FIS1: variants seen among roughly 807,000 people sequenced by gnomAD.
FIS1 encodes the protein fission, mitochondrial 1.
In FIS1, 16 loss-of-function variants were observed where a neutral mutation model predicts 21.6. The observed-to-expected ratio is 0.74, with a 90% CI of 0.50 to 1.12. FIS1 has a LOEUF of 1.12. FIS1 is among the 50% of genes most tolerant of loss of function. The pLI, the probability that FIS1 is intolerant of heterozygous loss-of-function variation, is 0.00. For missense variants in FIS1, 198 were observed against 190.9 expected (o/e 1.04, Z -0.22); for synonymous variants, 92 against 82.2 (o/e 1.12, Z -0.65).
At position 101,240,127 on chromosome 7, in the gene FIS1, G is replaced by A. The variant is rs1798720888; in HGVS notation, c.361+15C>T. 1 of 1,612,660 alleles carries A rather than the reference G, an allele frequency of 6.2e-7. No homozygotes were observed. The highest frequency in any genetic ancestry group is 2.2e-5 in the East Asian group (1 of 44,852). On this transcript the variant is annotated intron_variant, in intron 4 of 4. Transcript: ENST00000223136. The stretch of plus-strand genomic sequence containing the variant: ...GGGGAAGAGCGGGGCTGAACAAAGG[G>A]GCCGAGGCTGTCACCTTTCTTCATG...
rs1319107491 is a variant in FIS1, at chr7:101,240,857, G to T, written c.228C>A (p.Tyr76Ter). The T allele has an allele frequency of 6.2e-7, 1 of 1,614,106 alleles. No individual in the cohort carries two copies. Among genetic ancestry groups the T allele is most frequent in the Non-Finnish European group, 8.5e-7 (1 of 1,180,030 alleles). Residue 76 changes from tyrosine to a stop codon, truncating the protein, a stop_gained, in exon 3 of 5, where the codon TAC becomes TAA. Transcript: ENST00000223136. LOFTEE classifies it high-confidence loss of function. ...TGAGCCGGTAGTTCCCCACGGCCAG[G>T]TAGAAGACGTAATCCCGCTGTTCCT... is the stretch of plus-strand genomic sequence containing the variant. ...SKEEQRDYVF[Y>*]LAVGNYRLKE...
chr7:101,239,896 G>A lies in FIS1; in HGVS notation c.369C>T (p.Leu123=), dbSNP rs772169788. The A allele has an allele frequency of 6.2e-6, 10 of 1,604,094 alleles. No homozygotes were observed. Among genetic ancestry groups the A allele is most frequent in the African/African-American group, 4.0e-5 (3 of 74,734 alleles). Residue 123 remains leucine (L), a synonymous_variant, in exon 5 of 5, where the codon CTC becomes CTT. Coordinates refer to ENST00000223136, the MANE Select transcript of FIS1 (RefSeq NM_016068.3). Reference sequence around the variant, plus strand: ...TGCCTCCCACGATGGCCATGCCCACGAGTCCATCTGGGGAAGGAAAGGGAC... The same window carrying A: ...TGCCTCCCACGATGGCCATGCCCACAAGTCCATCTGGGGAAGGAAAGGGAC... ...LIDKAMKKDG[L]VGMAIVGGMA...
intron 2 of FIS1, chr7:101,241,281 C>T (rs28372079): frequency 4.0e-5 from 8 of 201,834 alleles, no homozygotes; most frequent in South Asian, 2.3e-4. Context: ...GGTGCAATGG[C>T]GTGATCTCGG....
chr7:101,243,507 G>A (rs1321952595), intron 2 of FIS1, among the ~76,000 whole-genome samples: 2 of 152,184 alleles, frequency 1.3e-5, no homozygotes, highest in African/African-American at 4.8e-5. Flanking sequence ...ACCGGGAGGT[G>A]GTGGTTGCAG....
chr7:101,244,003 T>A lies in FIS1; in HGVS notation c.178+4A>T, dbSNP rs761881911. The A allele has an allele frequency of 3.7e-6, 6 of 1,611,914 alleles. No individual in the cohort carries two copies. Among genetic ancestry groups the A allele is most frequent in the Non-Finnish European group, 3.4e-6 (4 of 1,179,184 alleles). ...AGCGGGAAAGGGAGAGTACAGCGCC[T>A]CACCCTCGAGCAGCACGATGCCTTT... On this transcript the variant is annotated splice_donor_region_variant and intron_variant, in intron 2 of 4. Coordinates refer to ENST00000223136, the MANE Select transcript of FIS1 (RefSeq NM_016068.3).
chr7:101,241,637 C>CTTTTTTTTT (rs543633716), intron 2 of FIS1: 1 of 116,664 alleles, frequency 8.6e-6, no homozygotes, highest in African/African-American at 3.6e-5. Flanking sequence ...GTCTTCCTTC[C>CTTTTTTTTT]TTTTTTTTTT....
At chr7:101,243,779 G>A (rs1798777575) in intron 2 of FIS1, among the ~76,000 whole-genome samples, 1 of 152,146 alleles carries the variant, frequency 6.6e-6, no homozygotes, top group Non-Finnish European at 1.5e-5. Flanking sequence ...GTGACCTCAA[G>A]TCACTTTCCC....
rs200145052 is a variant in FIS1, at chr7:101,240,806, A to G, written c.255+24T>C. ...GGTCCTGCAGCCCCAGAGGAGGGTGAAGGGAACGGGGTCCCCACCTCACCT... is the reference window on the plus strand; with the variant it reads ...GGTCCTGCAGCCCCAGAGGAGGGTGGAGGGAACGGGGTCCCCACCTCACCT... On this transcript the variant is annotated intron_variant, in intron 3 of 4. Transcript: ENST00000223136. 4.6e-4 allele frequency: 739 copies of G among 1,611,378 alleles called. 1 individual carries two copies. Among genetic ancestry groups the G allele is most frequent in the Non-Finnish European group, 5.8e-4 (688 of 1,178,410 alleles).
intron 4 of FIS1, 44 bp from the exon 5 acceptor site, chr7:101,239,947 A>G (rs76485948): frequency 0.056 from 86,550 of 1,537,256 alleles, 2,796 homozygotes; most frequent in African/African-American, 0.11. Context: ...GCCCCTGCGG[A>G]AACCCTGACC....
At chr7:101,242,416 C>G (rs1798762015) in intron 2 of FIS1, among the ~76,000 whole-genome samples, 1 of 152,024 alleles carries the variant, frequency 6.6e-6, no homozygotes, top group African/African-American at 2.4e-5. Flanking sequence ...ACCTGAAAAT[C>G]TGAATTGCCG....
intron 2 of FIS1, chr7:101,241,519 G>GT (rs1346959947): frequency 6.8e-6 from 1 of 147,300 alleles, no homozygotes; most frequent in Non-Finnish European, 1.5e-5. Flanking sequence ...ACTGCCTGCT[G>GT]TACAATTATT....
In FIS1 at chr7:101,239,724, G is replaced by A. The variant is rs528920710; in HGVS notation, c.*82C>T. 4 of 1,176,638 alleles carry A rather than the reference G, an allele frequency of 3.4e-6. No homozygotes were observed. Among genetic ancestry groups the A allele is most frequent in the Admixed American group, 4.0e-5 (2 of 50,604 alleles). The allele number at this position is 1,176,638 out of a possible 1,614,324, so 72.9% of individuals were successfully genotyped here. ...CTGAAGGCCACAGAGGATAGAGACG[G>A]GGGGCAGGGGGAGAACAGGGAAAGG... is the stretch of plus-strand genomic sequence containing the variant. On this transcript the variant is annotated 3_prime_UTR_variant, in exon 5 of 5. Transcript: ENST00000223136.
At chr7:101,241,033 TC>T in intron 2 of FIS1, 127 bp from the exon 3 acceptor site, 5 of 890,896 alleles carry the variant, frequency 5.6e-6, no homozygotes, top group Non-Finnish European at 8.9e-6. Context: ...GTCCTAAGCC[TC>T]CCTTTCAGCT....
chr7:101,240,360 G>A (rs1236722671), intron 3 of FIS1, 113 bp from the exon 4 acceptor site: 7 of 1,009,642 alleles, frequency 6.9e-6, no homozygotes, highest in African/African-American at 1.6e-5. Flanking sequence ...CGGCAGCGTC[G>A]CAATCACAGC....
intron 4 of FIS1, 71 bp from the exon 5 acceptor site, chr7:101,239,974 C>A: frequency 1.4e-6 from 2 of 1,477,710 alleles, no homozygotes; most frequent in South Asian, 2.4e-5. Context: ...TTCCGCCAGC[C>A]CTGCCCCTCA....
At chr7:101,240,390 C>T (rs1304394128) in intron 3 of FIS1, 143 bp from the exon 4 acceptor site, 6 of 772,538 alleles carry the variant, frequency 7.8e-6, no homozygotes, top group Non-Finnish European at 1.0e-5. Flanking sequence ...CCTCAAACTC[C>T]CAGGCTCAAG....
intron 4 of FIS1, 107 bp downstream of exon 4, chr7:101,240,035 G>T: frequency 7.0e-7 from 1 of 1,434,170 alleles, no homozygotes; most frequent in Non-Finnish European, 9.7e-7. Flanking sequence ...TCTAAGAACT[G>T]GAAGGGGTGG....
intron 1 of FIS1, chr7:101,244,624 G>A: frequency 2.2e-6 from 1 of 452,612 alleles, no homozygotes; most frequent in South Asian, 2.9e-5. Flanking sequence ...GCAGTAATAG[G>A]TGACACCTTA....
intron 2 of FIS1, among the ~76,000 whole-genome samples, chr7:101,242,312 T>C (rs1464532803): frequency 6.6e-6 from 1 of 152,136 alleles, no homozygotes; most frequent in Non-Finnish European, 1.5e-5. Context: ...TCTGCAGGTG[T>C]TTATAAATCT....
Sources: gnomAD v4.1 joint callset for allele counts (sites outside exome capture counted in the v4.1 genomes callset) on GRCh38, gnomAD v4.1.1 for gene constraint, MANE v1.5 for transcripts, NCBI Gene and HGNC (gene_info 2026-07-23, HGNC 2026-07-21) for gene names.